Variants in CNTN6 observed in about 807,000 individuals in gnomAD.
CNTN6 encodes the protein contactin-6.
Under a neutral mutation model 122.8 loss-of-function variants are expected in CNTN6, and 137 were observed. That is an observed-to-expected ratio of 1.12 (90% CI 0.97 to 1.29). The LOEUF is 1.29. CNTN6 is among the 50% of genes most tolerant of loss of function. The pLI, the probability that CNTN6 is intolerant of heterozygous loss-of-function variation, is 0.00. For synonymous variants in CNTN6, 570 were observed against 426.0 expected (o/e 1.34, Z -4.16); for missense variants, 1,634 against 1,223.4 (o/e 1.34, Z -5.01).
Position 1,103,502 on chromosome 3 carries a change from T to C in CNTN6, c.-83+10382T>C, listed in dbSNP as rs140616481. Among the ~76,000 whole-genome samples the C allele has an allele frequency of 2.5e-3, 386 of 152,366 alleles. 2 individuals carry two copies. Among genetic ancestry groups the C allele is most frequent in the African/African-American group, 8.8e-3 (368 of 41,588 alleles). ...CTTTAGGGCACTTAGGTGGCAAAAG[T>C]ATTATTTTTACTGACTTCACTCTTA... On this transcript the variant is annotated intron_variant, in intron 1 of 22. Coordinates refer to ENST00000446702, the MANE Select transcript of CNTN6 (RefSeq NM_001289080.2).
rs543208480 is a variant in CNTN6, at chr3:1,188,084, A to G, written c.56-32603A>G. Among the ~76,000 whole-genome samples, 12 of 152,306 alleles carry G rather than the reference A, an allele frequency of 7.9e-5. No homozygotes were observed. The East Asian group carries it at 2.3e-3, about 29-fold the overall frequency. ...ATTCACACCCCCTGCAAATACATAC[A>G]TGCAAAATCCTTCATAATGACCCAA... On this transcript the variant is annotated intron_variant, in intron 2 of 22. Transcript: ENST00000446702.
chr3:1,111,746 G>A (rs897252864), intron 1 of CNTN6, among the ~76,000 whole-genome samples: 16 of 152,062 alleles, frequency 1.1e-4, no homozygotes, highest in South Asian at 6.2e-4. Flanking sequence ...GGTTTCCAGC[G>A]GATGTTGTGG....
At chr3:1,095,486 CAAACAGA>C (rs1295109230) in intron 1 of CNTN6, among the ~76,000 whole-genome samples, 34 of 151,986 alleles carry the variant, frequency 2.2e-4, no homozygotes, top group East Asian at 2.1e-3. Context: ...AACAAACAAA[CAAACAGA>C]AAACAGAAAA....
At chr3:1,195,813 T>C (rs2093768980) in intron 2 of CNTN6, among the ~76,000 whole-genome samples, 1 of 152,200 alleles carries the variant, frequency 6.6e-6, no homozygotes, top group Non-Finnish European at 1.5e-5. Context: ...TAGTATAATC[T>C]TATTTCTACA....
At chr3:1,265,044 CTTTTTTTT>C (rs201949693) in intron 4 of CNTN6, among the ~76,000 whole-genome samples, 3 of 100,776 alleles carry the variant, frequency 3.0e-5, no homozygotes, top group African/African-American at 7.6e-5. Context: ...ACCGAATTTC[CTTTTTTTT>C]TTTTTTTTTT....
Position 1,327,501 on chromosome 3 carries a change from G to A in CNTN6, c.1128G>A (p.Leu376=). 1 of 1,610,956 alleles carries A rather than the reference G, an allele frequency of 6.2e-7. No individual in the cohort carries two copies. Among genetic ancestry groups the A allele is most frequent in the South Asian group, 1.1e-5 (1 of 90,982 alleles). Reference sequence around the variant, plus strand: ...ATGGGACACTCATCATAACGATGCTGAATGTGTCAGATTCTGGTGTGTACC... The same window carrying A: ...ATGGGACACTCATCATAACGATGCTAAATGTGTCAGATTCTGGTGTGTACC... ...IENGTLIITM[L]NVSDSGVYQC... The change falls in exon 10 of 23, where the codon CTG becomes CTA. Residue 376 remains leucine, a synonymous_variant. Transcript: ENST00000446702.
At chr3:1,379,065 T>C (rs11721072) in intron 17 of CNTN6, among the ~76,000 whole-genome samples, 4,014 of 152,292 alleles carry the variant, frequency 0.026, 67 homozygotes, top group Non-Finnish European at 0.033. Context: ...AATAACTTAT[T>C]TTGTTCTCCT....
chr3:1,323,568 A>G (rs1701148503), intron 8 of CNTN6, among the ~76,000 whole-genome samples: 2 of 151,836 alleles, frequency 1.3e-5, no homozygotes, highest in Non-Finnish European at 2.9e-5. Context: ...AAATTCAAGA[A>G]AAGAATCTCT....
At position 1,325,839 on chromosome 3, in the gene CNTN6, T is replaced by A; in HGVS notation, c.971T>A (p.Ile324Asn). 5 of 1,610,594 alleles carry A rather than the reference T, an allele frequency of 3.1e-6. No individual in the cohort carries two copies. Among genetic ancestry groups the A allele is most frequent in the Non-Finnish European group, 4.2e-6 (5 of 1,178,366 alleles). The part of the protein sequence containing the change: ...FYAPPEWEQK[I>N]QNTHLSIYDN... ...GCTCCTCCAGAATGGGAACAGAAAATCCAAAATACACACCTCTCTATCTAT... is the reference window on the plus strand; with the variant it reads ...GCTCCTCCAGAATGGGAACAGAAAAACCAAAATACACACCTCTCTATCTAT... The change falls in exon 9 of 23, where the codon ATC (isoleucine) becomes AAC (asparagine). Residue 324 changes from isoleucine to asparagine, a missense_variant. By Grantham distance (149) the Ile-to-Asn change is moderately radical. Transcript: ENST00000446702.
chr3:1,339,321 TA>T (rs1482219216), intron 11 of CNTN6, among the ~76,000 whole-genome samples: 1 of 152,178 alleles, frequency 6.6e-6, no homozygotes, highest in Non-Finnish European at 1.5e-5. Flanking sequence ...TGAGGACTAC[TA>T]ATTTGTAGTG....
intron 12 of CNTN6, among the ~76,000 whole-genome samples, chr3:1,358,748 G>T (rs1221884448): frequency 6.6e-6 from 1 of 151,856 alleles, no homozygotes; most frequent in African/African-American, 2.4e-5. Context: ...CTATTGACAG[G>T]CACAATAAAA....
chr3:1,394,992 C>G (rs565198088), intron 20 of CNTN6, among the ~76,000 whole-genome samples: 2 of 152,242 alleles, frequency 1.3e-5, no homozygotes, highest in African/African-American at 4.8e-5. Flanking sequence ...TTTAAGTATT[C>G]AGCTTTCTTA....
rs374748795 is a variant in CNTN6, at chr3:1,371,368, T to G, written c.1493-931T>G. 6.3e-4 allele frequency among the ~76,000 whole-genome samples: 96 copies of G among 152,174 alleles called. 1 individual carries two copies. Among genetic ancestry groups the G allele is most frequent in the African/African-American group, 2.1e-3 (89 of 41,544 alleles). Reference sequence around the variant, plus strand: ...AATTTTTTTTTTACAATAACTTGCCTAAAACCTTTATTCTTAAATGTAAAT... The same window carrying G: ...AATTTTTTTTTTACAATAACTTGCCGAAAACCTTTATTCTTAAATGTAAAT... On this transcript the variant is annotated intron_variant, in intron 12 of 22. Transcript: ENST00000446702.
intron 1 of CNTN6, among the ~76,000 whole-genome samples, chr3:1,097,693 C>G (rs1343488391): frequency 6.6e-6 from 1 of 152,000 alleles, no homozygotes; most frequent in Non-Finnish European, 1.5e-5. Context: ...TTAGTATTGA[C>G]TTTACAGTAT....
intron 1 of CNTN6, among the ~76,000 whole-genome samples, chr3:1,143,701 C>T (rs1394177): frequency 7.2e-5 from 11 of 152,076 alleles, no homozygotes; most frequent in African/African-American, 2.4e-5. Context: ...AATGGCAACC[C>T]ATGCATAAAT....
chr3:1,249,507 C>T (rs1255372357), intron 4 of CNTN6, among the ~76,000 whole-genome samples: 2 of 152,152 alleles, frequency 1.3e-5, no homozygotes, highest in Non-Finnish European at 2.9e-5. Flanking sequence ...AACTGTATTT[C>T]CTTGCCAGAA....
intron 1 of CNTN6, among the ~76,000 whole-genome samples, chr3:1,105,707 G>A (rs912620881): frequency 2.0e-5 from 3 of 152,058 alleles, no homozygotes; most frequent in African/African-American, 4.8e-5. Context: ...CTGGTCATAA[G>A]CAAGTCTACA....
chr3:1,214,297 A>ATT (rs1559526727), intron 2 of CNTN6, among the ~76,000 whole-genome samples: 7 of 94,722 alleles, frequency 7.4e-5, no homozygotes, highest in African/African-American at 2.8e-4. Flanking sequence ...TGTTTGTTGG[A>ATT]TGTCTTTTTT....
At chr3:1,207,176 C>T (rs1311779787) in intron 2 of CNTN6, among the ~76,000 whole-genome samples, 2 of 152,048 alleles carry the variant, frequency 1.3e-5, no homozygotes, top group African/African-American at 4.8e-5. Context: ...TCCTCCCAAC[C>T]CCCAGCACAA....
Sources: allele counts gnomAD v4.1 joint callset (sites outside exome capture counted in the v4.1 genomes callset), GRCh38; gene constraint gnomAD v4.1.1; transcripts MANE v1.5; gene names NCBI Gene and HGNC (gene_info 2026-07-23, HGNC 2026-07-21).